Variants in ENAH observed in about 807,000 individuals in gnomAD.
The protein encoded by ENAH is protein enabled homolog.
A neutral mutation model predicts 78.7 loss-of-function variants in ENAH; 23 were observed. The observed-to-expected ratio is 0.29, with a 90% CI of 0.21 to 0.41. The LOEUF (loss-of-function observed/expected upper bound fraction) is 0.41, where lower values mean the gene tolerates loss of function less well. Ranked by LOEUF, ENAH falls within the 10% of genes least tolerant of loss-of-function variation. ENAH has a pLI of 1.00. For missense variants in ENAH, 544 were observed against 691.0 expected (o/e 0.79, Z 2.39); for synonymous variants, 226 against 241.0 (o/e 0.94, Z 0.58).
intron 10 of ENAH, among the ~76,000 whole-genome samples, chr1:225,510,908 G>A (rs1156567619): frequency 6.6e-6 from 1 of 151,910 alleles, no homozygotes; most frequent in Non-Finnish European, 1.5e-5. Flanking sequence ...AGCTACTTAG[G>A]GGGCTGGGGG....
chr1:225,514,444 G>C lies in ENAH; in HGVS notation c.1218+152C>G, dbSNP rs921578822. The C allele has an allele frequency of 5.5e-6, 4 of 731,562 alleles. No homozygotes were observed. In the African/African-American group the frequency reaches 7.1e-5, roughly 13 times the overall value. The allele number at this position is 731,562 out of a possible 1,614,324, so 45.3% of individuals were successfully genotyped here. On this transcript the variant is annotated intron_variant, in intron 7 of 13. Transcript: ENST00000366843. ...CCTCCCAAAGTGCAGGGATTATACA[G>C]GTATGAGCCATTGCGCCAGGGTAAA...
intron 1 of ENAH, among the ~76,000 whole-genome samples, chr1:225,606,214 C>G (rs1395166546): frequency 6.6e-6 from 1 of 152,120 alleles, no homozygotes; most frequent in Non-Finnish European, 1.5e-5. Flanking sequence ...GTAATCCCAG[C>G]ACTTTGGAAG....
chr1:225,583,581 C>T (rs1182487895), intron 1 of ENAH, among the ~76,000 whole-genome samples: 3 of 151,738 alleles, frequency 2.0e-5, no homozygotes, highest in East Asian at 1.9e-4. Context: ...GAAGCAGAGG[C>T]GGGTGGATCA....
intron 2 of ENAH, among the ~76,000 whole-genome samples, chr1:225,561,362 G>A (rs1301862729): frequency 2.0e-5 from 3 of 151,896 alleles, no homozygotes; most frequent in African/African-American, 4.8e-5. Context: ...AGTGGCTTAC[G>A]CCTGTAATCC....
chr1:225,617,464 A>G (rs1479202210), intron 1 of ENAH, among the ~76,000 whole-genome samples: 2 of 152,226 alleles, frequency 1.3e-5, no homozygotes, highest in Non-Finnish European at 2.9e-5. Flanking sequence ...TATCTGATAC[A>G]TAAAGGTCAG....
intron 11 of ENAH, among the ~76,000 whole-genome samples, chr1:225,504,444 A>C (rs1488328742): frequency 6.6e-6 from 1 of 152,180 alleles, no homozygotes; most frequent in Non-Finnish European, 1.5e-5. Flanking sequence ...GATTATTTTT[A>C]GCTGTCAATT....
chr1:225,510,082 G>GT (rs1165048394), intron 10 of ENAH, among the ~76,000 whole-genome samples: 3 of 152,124 alleles, frequency 2.0e-5, no homozygotes, highest in Non-Finnish European at 4.4e-5. Context: ...TGTACCATGA[G>GT]TTTTTTTGGG....
At chr1:225,591,862 A>C (rs566251881) in intron 1 of ENAH, among the ~76,000 whole-genome samples, 3 of 151,316 alleles carry the variant, frequency 2.0e-5, no homozygotes, top group Admixed American at 1.3e-4. Context: ...TGGTCTCTTT[A>C]GAAGCACCAG....
chr1:225,643,078 G>A (rs1661370729), intron 1 of ENAH, among the ~76,000 whole-genome samples: 1 of 152,176 alleles, frequency 6.6e-6, no homozygotes, highest in South Asian at 2.1e-4. Context: ...TACTCACAGA[G>A]GCCTGTGCTG....
chr1:225,652,805 C>G lies in ENAH; in HGVS notation c.-115G>C, dbSNP rs1347604260. 2.2e-6 allele frequency: 2 copies of G among 891,990 alleles called. No individual in the cohort carries two copies. The highest frequency in any genetic ancestry group is 3.5e-5 in the African/African-American group (2 of 57,926). 55.3% of individuals were successfully genotyped at this position (891,990 alleles called of 1,614,324 possible). ...CAGCTCGGAGACGGGAGACAAGTGT[C>G]CGGCTCCTCCTTCGGCGGCCAGGGG... On this transcript the variant is annotated 5_prime_UTR_variant, in exon 1 of 14. Coordinates refer to ENST00000366843, the MANE Select transcript of ENAH (RefSeq NM_018212.6).
At chr1:225,513,837 C>T (rs549910121) in intron 7 of ENAH, among the ~76,000 whole-genome samples, 3 of 152,016 alleles carry the variant, frequency 2.0e-5, no homozygotes, top group Non-Finnish European at 1.5e-5. Flanking sequence ...ACTAAAAATA[C>T]AAAAATTAGC....
chr1:225,615,837 A>G (rs2097027522), intron 1 of ENAH, among the ~76,000 whole-genome samples: 1 of 152,182 alleles, frequency 6.6e-6, no homozygotes, highest in Non-Finnish European at 1.5e-5. Context: ...TGTACCCAAC[A>G]GCTCATTGAG....
rs1018485171 is a variant in ENAH at position 225,511,766 on chromosome 1, T to C, written c.1471+45A>G. On this transcript the variant is annotated intron_variant, in intron 10 of 13. Coordinates refer to ENST00000366843, the MANE Select transcript of ENAH (RefSeq NM_018212.6). ...AATTTTTAACTGGGGAGTATTAATA[T>C]TTAGAGAAAGTTTATAAAGGTTAAA... 3 of 1,411,898 alleles carry C rather than the reference T, an allele frequency of 2.1e-6. No homozygotes were observed. In the Admixed American group the frequency reaches 5.5e-5, roughly 26 times the overall value. The allele number at this position is 1,411,898 out of a possible 1,614,324, so 87.5% of individuals were successfully genotyped here.
intron 1 of ENAH, among the ~76,000 whole-genome samples, chr1:225,641,509 C>T (rs1165480265): frequency 1.4e-5 from 2 of 144,354 alleles, no homozygotes; most frequent in Non-Finnish European, 3.1e-5. Context: ...TAAAAAAAAC[C>T]AATGAGTTGC....
chr1:225,527,069 G>A (rs1261932886), intron 4 of ENAH, among the ~76,000 whole-genome samples: 4 of 152,198 alleles, frequency 2.6e-5, no homozygotes, highest in Non-Finnish European at 5.9e-5. Flanking sequence ...GGCTGCCAGC[G>A]TCTAGGAGCT....
At chr1:225,631,575 C>G (rs1490266604) in intron 1 of ENAH, among the ~76,000 whole-genome samples, 1 of 71,458 alleles carries the variant, frequency 1.4e-5, no homozygotes, top group Non-Finnish European at 3.1e-5. Context: ...CACCATCTCT[C>G]AAAAAAAAAA....
intron 3 of ENAH, among the ~76,000 whole-genome samples, chr1:225,539,952 A>G (rs2096581528): frequency 6.6e-6 from 1 of 152,158 alleles, no homozygotes; most frequent in African/African-American, 2.4e-5. Flanking sequence ...TTCCTACTTC[A>G]GGTTTTATTG....
chr1:225,557,558 T>C (rs1342908085), intron 2 of ENAH, among the ~76,000 whole-genome samples: 7 of 152,208 alleles, frequency 4.6e-5, no homozygotes, highest in Non-Finnish European at 1.5e-5. Context: ...AGGTGGATCA[T>C]GCCTGTAATT....
intron 3 of ENAH, among the ~76,000 whole-genome samples, chr1:225,536,039 A>C (rs1352031765): frequency 6.6e-6 from 1 of 152,090 alleles, no homozygotes; most frequent in African/African-American, 2.4e-5. Context: ...AAAGAGACCA[A>C]AGCCATTATA....
Sources: allele counts gnomAD v4.1 joint callset (sites outside exome capture counted in the v4.1 genomes callset), GRCh38; gene constraint gnomAD v4.1.1; transcripts MANE v1.5; gene names NCBI Gene and HGNC (gene_info 2026-07-23, HGNC 2026-07-21).